Variants in CNKSR2 observed in about 807,000 individuals in gnomAD.
The protein encoded by CNKSR2 is connector enhancer of kinase suppressor of Ras 2.
In CNKSR2, 14 loss-of-function variants were observed where a neutral mutation model predicts 84.4. That is an observed-to-expected ratio of 0.17 (90% CI 0.11 to 0.26). CNKSR2 has a LOEUF of 0.26. CNKSR2 is among the 10% of genes least tolerant of loss of function. The probability of loss-of-function intolerance (pLI) is 1.00; values close to 1 mark genes in which losing one functional copy is unlikely to be tolerated. For missense variants in CNKSR2, 485 were observed against 771.2 expected, an observed-to-expected ratio of 0.63 and a Z score of 4.40; for synonymous variants, 275 against 277.9, an observed-to-expected ratio of 0.99 and a Z score of 0.10.
chrX:21,506,807 A>G (rs1473272729), intron 8 of CNKSR2: 1 of 111,188 alleles, frequency 9.0e-6, no homozygotes, highest in Non-Finnish European at 1.9e-5. Flanking sequence ...TTTATCTTTC[A>G]GTGTCAACGT....
intron 4 of CNKSR2, among the ~76,000 whole-genome samples, chrX:21,462,515 T>A (rs2091073804): frequency 1.8e-5 from 2 of 111,015 alleles, no homozygotes; most frequent in Admixed American, 9.6e-5. Context: ...CCAATTTGGA[T>A]ACACTTTATT....
chrX:21,380,443 CTTTTTTTTTTT>C (rs1213793885), intron 1 of CNKSR2, among the ~76,000 whole-genome samples: 2 of 70,323 alleles, frequency 2.8e-5, no homozygotes, highest in Admixed American at 3.0e-4. Flanking sequence ...TCAATTTGTT[CTTTTTTTTTTT>C]TTTTTTTTTT....
intron 18 of CNKSR2, among the ~76,000 whole-genome samples, chrX:21,605,884 G>GT (rs1223393373): frequency 9.0e-6 from 1 of 111,653 alleles, no homozygotes; most frequent in Admixed American, 9.5e-5. Flanking sequence ...GTTTTAATAT[G>GT]TTTTTTCTTA....
chrX:21,511,982 G>T (rs914389900), intron 8 of CNKSR2, among the ~76,000 whole-genome samples: 1 of 111,602 alleles, frequency 9.0e-6, no homozygotes, highest in African/African-American at 3.3e-5. Context: ...GGGGGCTCCT[G>T]TTGCACTCTG....
chrX:21,460,834 A>G (rs1319598758), intron 4 of CNKSR2, among the ~76,000 whole-genome samples: 1 of 111,789 alleles, frequency 8.9e-6, no homozygotes, highest in Non-Finnish European at 1.9e-5. Flanking sequence ...CACTTAACAT[A>G]ATGATCTCTA....
intron 1 of CNKSR2, among the ~76,000 whole-genome samples, chrX:21,406,400 C>T (rs992435011): frequency 9.0e-6 from 1 of 111,118 alleles, no homozygotes; most frequent in Non-Finnish European, 1.9e-5. Flanking sequence ...ACTTAGTTTA[C>T]CAAGTAACTT....
intron 6 of CNKSR2, chrX:21,493,840 G>A (rs1479936395): frequency 1.8e-5 from 2 of 111,563 alleles, no homozygotes; most frequent in Non-Finnish European, 3.8e-5. Context: ...AGACAAAGAA[G>A]TCAGTTTTGA....
At chrX:21,548,217 A>T (rs1353578487) in intron 11 of CNKSR2, among the ~76,000 whole-genome samples, 1 of 111,967 alleles carries the variant, frequency 8.9e-6, no homozygotes, top group Non-Finnish European at 1.9e-5. Context: ...AATAGACACA[A>T]TAAAAAATGA....
chrX:21,556,653 T>C (rs1401218303), intron 11 of CNKSR2, among the ~76,000 whole-genome samples: 5 of 110,586 alleles, frequency 4.5e-5, no homozygotes, highest in African/African-American at 1.6e-4. Flanking sequence ...GTATTGGATT[T>C]AGCAACATGG....
At chrX:21,633,977 G>C (rs991517943) in intron 20 of CNKSR2, among the ~76,000 whole-genome samples, 12 of 112,022 alleles carry the variant, frequency 1.1e-4, no homozygotes, top group Non-Finnish European at 2.3e-4. Flanking sequence ...CTCATTACTT[G>C]ATTTTTAGTT....
chrX:21,457,299 C>T (rs755394901), intron 4 of CNKSR2, among the ~76,000 whole-genome samples: 5 of 111,018 alleles, frequency 4.5e-5, no homozygotes, highest in East Asian at 5.6e-4. Flanking sequence ...CACATTTTTG[C>T]GATTTTTCTT....
chrX:21,436,715 T>G (rs763804463), intron 3 of CNKSR2, among the ~76,000 whole-genome samples: 13 of 110,886 alleles, frequency 1.2e-4, no homozygotes, highest in Non-Finnish European at 2.1e-4. Flanking sequence ...GTTTTTGTTT[T>G]TGTGTGTGTG....
In CNKSR2 at chrX:21,408,294, T is replaced by G. The variant is rs916343154; in HGVS notation, c.65-18203T>G. Among the ~76,000 whole-genome samples, 3 of 111,929 alleles carry G rather than the reference T, an allele frequency of 2.7e-5. No individual in the cohort carries two copies. The Admixed American group carries it at 2.9e-4, about 11-fold the overall frequency. ...CTCAGGATGACTCTCACTGAGTTGT[T>G]GGTTTCTTTCACAGGTTGATTTACA... On this transcript the variant is annotated intron_variant, in intron 1 of 21. Coordinates refer to ENST00000379510, the MANE Select transcript of CNKSR2 (RefSeq NM_014927.5).
At position 21,609,445 on chromosome X, in the gene CNKSR2, C is replaced by A. The variant is rs753138174; in HGVS notation, c.2520C>A (p.Gly840=). Reference sequence around the variant, plus strand: ...TGCAAGTGCTAAATGGAAATGGGGGCAAGCCTCGAAGTTTTACTCTGCCTC... The same window carrying A: ...TGCAAGTGCTAAATGGAAATGGGGGAAAGCCTCGAAGTTTTACTCTGCCTC... ...ERMQVLNGNG[G]KPRSFTLPRD... The change falls in exon 20 of 22, where the codon GGC becomes GGA. Residue 840 remains glycine (G), a synonymous_variant. Transcript: ENST00000379510. The A allele has an allele frequency of 4.1e-6, 5 of 1,210,802 alleles. No individual in the cohort carries two copies. The highest frequency in any genetic ancestry group is 1.7e-5 in the African/African-American group (1 of 57,533).
intron 6 of CNKSR2, chrX:21,495,662 A>C (rs2147053415): frequency 9.5e-6 from 1 of 105,261 alleles, no homozygotes; most frequent in African/African-American, 3.5e-5. Flanking sequence ...GAGCGCCTGT[A>C]ATCCCAGCTA....
At position 21,416,508 on chromosome X, in the gene CNKSR2, T is replaced by C. The variant is rs754593041; in HGVS notation, c.65-9989T>C. Among the ~76,000 whole-genome samples the C allele has an allele frequency of 4.5e-5, 5 of 111,431 alleles. No homozygotes were observed. In the East Asian group the frequency reaches 1.4e-3, roughly 31 times the overall value. ...TTCAGAATAGTTTGGGTCAGATTGG[T>C]ATTAGTTCTCCTTTAAATATTTGGT... is the stretch of plus-strand genomic sequence containing the variant. On this transcript the variant is annotated intron_variant, in intron 1 of 21. Transcript: ENST00000379510.
intron 11 of CNKSR2, among the ~76,000 whole-genome samples, chrX:21,556,439 G>T (rs1264002963): frequency 9.0e-6 from 1 of 111,334 alleles, no homozygotes; most frequent in Admixed American, 9.6e-5. Flanking sequence ...TCCTGACCTA[G>T]AATGAGAGGC....
intron 1 of CNKSR2, chrX:21,424,508 C>T (rs927224858): frequency 2.7e-5 from 3 of 111,415 alleles, no homozygotes; most frequent in Non-Finnish European, 5.7e-5. Flanking sequence ...CTATACCTTT[C>T]ACCCTATACA....
intron 9 of CNKSR2, among the ~76,000 whole-genome samples, chrX:21,523,778 C>T (rs2091807932): frequency 9.0e-6 from 1 of 110,639 alleles, no homozygotes; most frequent in African/African-American, 3.3e-5. Flanking sequence ...CTAGGAATTT[C>T]TCACTGATAA....
Sources: allele counts gnomAD v4.1 joint callset (sites outside exome capture counted in the v4.1 genomes callset), GRCh38; gene constraint gnomAD v4.1.1; transcripts MANE v1.5; gene names NCBI Gene and HGNC (gene_info 2026-07-23, HGNC 2026-07-21).